The following ARHGEF7 variants were observed in gnomAD, a reference collection of about 807,000 sequenced individuals.
The protein encoded by ARHGEF7 is Rho guanine nucleotide exchange factor 7.
ARHGEF7 carries 33 observed loss-of-function variants against 109.8 expected under a neutral mutation model. The ratio of observed to expected loss-of-function variants is 0.30; its 90% CI spans 0.23 to 0.40. The LOEUF (loss-of-function observed/expected upper bound fraction) is 0.40. Among genes scored for constraint, ARHGEF7 ranks in the 10% least tolerant of loss-of-function variants. The pLI is 1.00. For missense variants in ARHGEF7, 938 were observed against 1,098.5 expected (o/e 0.85, Z 2.07); for synonymous variants, 458 against 424.6 (o/e 1.08, Z -0.97).
At chr13:111,175,611 G>T (rs1292416492) in intron 2 of ARHGEF7, among the ~76,000 whole-genome samples, 1 of 152,194 alleles carries the variant, frequency 6.6e-6, no homozygotes, top group Non-Finnish European at 1.5e-5. Context: ...TAAGCTGCTG[G>T]CTCCTCACTG....
At position 111,115,693 on chromosome 13, in the gene ARHGEF7, TA is replaced by T; in HGVS notation, c.165+4del. On this transcript the variant is annotated splice_donor_region_variant and intron_variant, in intron 1 of 21. Transcript: ENST00000646102. ...CTGCTCCCCGGGACCATCGAGAAAGTAAGTCCCGGCCCGCGCCCCCGCCCGC... is the reference window on the plus strand; with the variant it reads ...CTGCTCCCCGGGACCATCGAGAAAGTAGTCCCGGCCCGCGCCCCCGCCCGC... 8.2e-7 allele frequency: 1 copy of T among 1,221,632 alleles called. No homozygotes were observed. The highest frequency in any genetic ancestry group is 2.6e-5 in the South Asian group (1 of 38,842). The allele number at this position is 1,221,632 out of a possible 1,614,324, so 75.7% of individuals were successfully genotyped here.
intron 1 of ARHGEF7, among the ~76,000 whole-genome samples, chr13:111,130,776 G>A (rs150022046): frequency 3.0e-4 from 46 of 152,330 alleles, no homozygotes; most frequent in African/African-American, 1.1e-3. Flanking sequence ...TTGGCAGATG[G>A]GGCCCCAGTG....
At chr13:111,164,836 T>C (rs916726915) in intron 2 of ARHGEF7, among the ~76,000 whole-genome samples, 2 of 152,230 alleles carry the variant, frequency 1.3e-5, no homozygotes, top group African/African-American at 4.8e-5. Context: ...AAGAATTGCT[T>C]AAAGTACTTC....
intron 2 of ARHGEF7, among the ~76,000 whole-genome samples, chr13:111,160,615 T>G (rs61139409): frequency 0.022 from 3,389 of 152,058 alleles, 122 homozygotes; most frequent in African/African-American, 0.078. Context: ...GAGTTAGAGA[T>G]CAGCCTGGGC....
intron 2 of ARHGEF7, among the ~76,000 whole-genome samples, chr13:111,154,629 T>C (rs1022036083): frequency 6.6e-6 from 1 of 152,234 alleles, no homozygotes; most frequent in Non-Finnish European, 1.5e-5. Context: ...GGGGTCTCGA[T>C]TCCCTGTTGT....
chr13:111,296,097 G>T (rs2093421764), intron 19 of ARHGEF7, among the ~76,000 whole-genome samples: 1 of 152,214 alleles, frequency 6.6e-6, no homozygotes, highest in Non-Finnish European at 1.5e-5. Context: ...GCCAAGCGTG[G>T]TGGTCGCGAG....
intron 1 of ARHGEF7, among the ~76,000 whole-genome samples, chr13:111,127,252 T>A (rs1044137124): frequency 1.3e-5 from 2 of 152,168 alleles, no homozygotes; most frequent in Non-Finnish European, 2.9e-5. Context: ...AGAAATAAAT[T>A]TGTAGATAAA....
At chr13:111,134,378 A>T (rs145710224) in intron 1 of ARHGEF7, among the ~76,000 whole-genome samples, 3,114 of 152,328 alleles carry the variant, frequency 0.02, 49 homozygotes, top group Middle Eastern at 0.048. Flanking sequence ...ACTGTCTTCC[A>T]CACTGGTTGA....
Position 111,131,873 on chromosome 13 carries a change from G to A in ARHGEF7, c.165+16182G>A, listed in dbSNP as rs1416620796. On this transcript the variant is annotated intron_variant, in intron 1 of 21. Coordinates refer to ENST00000646102, the MANE Select transcript of ARHGEF7 (RefSeq NM_001354046.2). The surrounding 1 kb of genome is among the most constrained non-coding windows in gnomAD (Gnocchi z 4.4). Reference sequence around the variant, plus strand: ...ATGCAGGCATGCCCAGGACTGAAGAGGGGGCTGGGAGGGAGCCTGGCAGTC... The same window carrying A: ...ATGCAGGCATGCCCAGGACTGAAGAAGGGGCTGGGAGGGAGCCTGGCAGTC... Among the ~76,000 whole-genome samples the A allele has an allele frequency of 6.6e-6, 1 of 152,226 alleles. No homozygotes were observed. The highest frequency in any genetic ancestry group is 1.9e-4 in the East Asian group (1 of 5,196).
Position 111,115,559 on chromosome 13 carries a change from C to T in ARHGEF7, c.33C>T (p.Leu11=), listed in dbSNP as rs2066673875. 3 of 1,424,772 alleles carry T rather than the reference C, an allele frequency of 2.1e-6. No individual in the cohort carries two copies. Among genetic ancestry groups the T allele is most frequent in the South Asian group, 1.3e-5 (1 of 77,050 alleles). 88.3% of individuals were successfully genotyped at this position (1,424,772 alleles called of 1,614,324 possible). The part of the protein sequence containing the change: MNSAEQTVTW[L]ITLGVLESPK... ...CCGCCGAGCAAACCGTTACGTGGCTCATCACTCTGGGGGTGCTGGAGTCGC... is the reference window on the plus strand; with the variant it reads ...CCGCCGAGCAAACCGTTACGTGGCTTATCACTCTGGGGGTGCTGGAGTCGC... Residue 11 remains leucine (L), a synonymous_variant, in exon 1 of 22, where the codon CTC becomes CTT. Coordinates refer to ENST00000646102, the MANE Select transcript of ARHGEF7 (RefSeq NM_001354046.2).
At chr13:111,208,201 C>T (rs776085049) in intron 3 of ARHGEF7, among the ~76,000 whole-genome samples, 16 of 152,170 alleles carry the variant, frequency 1.1e-4, no homozygotes, top group Non-Finnish European at 1.8e-4. Flanking sequence ...GCACCACACC[C>T]GGCTAATTTT....
intron 1 of ARHGEF7, among the ~76,000 whole-genome samples, chr13:111,133,097 CAT>C (rs973481794): frequency 6.6e-5 from 10 of 151,866 alleles, no homozygotes; most frequent in South Asian, 2.1e-4. Flanking sequence ...CATATATACA[CAT>C]ATACATACAT....
In ARHGEF7 at chr13:111,188,353, T is replaced by G. The variant is rs185491378; in HGVS notation, c.253-16936T>G. Among the ~76,000 whole-genome samples the G allele has an allele frequency of 6.3e-3, 955 of 152,332 alleles. 7 individuals carry two copies. Among genetic ancestry groups the G allele is most frequent in the Non-Finnish European group, 0.011 (737 of 68,030 alleles). ...GACACGCAGAAACTGAGATAACAGA[T>G]GCTTGTTGTTTGGGCCACTGAGTTT... On this transcript the variant is annotated intron_variant, in intron 2 of 21. Coordinates refer to ENST00000646102, the MANE Select transcript of ARHGEF7 (RefSeq NM_001354046.2).
At chr13:111,264,884 CTA>C (rs1330433045) in intron 8 of ARHGEF7, among the ~76,000 whole-genome samples, 1 of 152,088 alleles carries the variant, frequency 6.6e-6, no homozygotes, top group Non-Finnish European at 1.5e-5. Context: ...CTACATATTG[CTA>C]TGTTTTAGAA....
intron 1 of ARHGEF7, among the ~76,000 whole-genome samples, chr13:111,120,520 C>T (rs1336558086): frequency 6.6e-6 from 1 of 152,146 alleles, no homozygotes; most frequent in East Asian, 1.9e-4. Context: ...CACACACGCA[C>T]ACACAGACAC....
chr13:111,257,931 G>T (rs919090272), intron 8 of ARHGEF7, among the ~76,000 whole-genome samples: 1 of 152,224 alleles, frequency 6.6e-6, no homozygotes, highest in African/African-American at 2.4e-5. Context: ...AGTTCTGGCA[G>T]GCCCCGCCAC....
chr13:111,198,625 C>T (rs2080854703), intron 2 of ARHGEF7, among the ~76,000 whole-genome samples: 1 of 152,288 alleles, frequency 6.6e-6, no homozygotes, highest in South Asian at 2.1e-4. Flanking sequence ...TTGCTGACTT[C>T]AGGAACGAAG....
At chr13:111,150,932 G>T (rs879203138) in intron 1 of ARHGEF7, among the ~76,000 whole-genome samples, 2 of 152,176 alleles carry the variant, frequency 1.3e-5, no homozygotes, top group South Asian at 4.1e-4. Context: ...TCAACTTCTG[G>T]AATGAAGCAG....
In ARHGEF7 at chr13:111,228,202, A is replaced by G. The variant is rs532507727; in HGVS notation, c.671-5003A>G. On this transcript the variant is annotated intron_variant, in intron 5 of 21. Coordinates refer to ENST00000646102, the MANE Select transcript of ARHGEF7 (RefSeq NM_001354046.2). This position sits in a 1 kb window ranked among gnomAD's most constrained non-coding sequence, Gnocchi z 4.6. ...GAGACTTTAGTGGCACAGCAGCCAGATGTGCTGCGCAGACTTCATTTGGTT... is the reference window on the plus strand; with the variant it reads ...GAGACTTTAGTGGCACAGCAGCCAGGTGTGCTGCGCAGACTTCATTTGGTT... 1.1e-3 allele frequency among the ~76,000 whole-genome samples: 175 copies of G among 152,366 alleles called. 1 individual carries two copies. Among genetic ancestry groups the G allele is most frequent in the African/African-American group, 4.1e-3 (171 of 41,594 alleles).
Sources: allele counts gnomAD v4.1 joint callset (sites outside exome capture counted in the v4.1 genomes callset), GRCh38; gene constraint gnomAD v4.1.1; non-coding constraint Gnocchi (gnomAD v3.1); transcripts MANE v1.5; gene names NCBI Gene and HGNC (gene_info 2026-07-23, HGNC 2026-07-21).